The following FGF9 variants were observed in gnomAD, a reference collection of about 807,000 sequenced individuals.
FGF9 encodes the protein fibroblast growth factor 9.
FGF9 carries 3 observed loss-of-function variants against 19.9 expected under a neutral mutation model. The observed-to-expected ratio is 0.15, with a 90% CI of 0.07 to 0.39. FGF9 has a LOEUF of 0.39. Among genes scored for constraint, FGF9 ranks in the 10% least tolerant of loss-of-function variants. The pLI is 1.00. For synonymous variants in FGF9, 107 were observed against 106.9 expected (o/e 1.00, Z -0.01); for missense variants, 175 against 256.8 (o/e 0.68, Z 2.18).
At chr13:21,699,054 C>G (rs1408526204) in intron 2 of FGF9, among the ~76,000 whole-genome samples, 1 of 152,196 alleles carries the variant, frequency 6.6e-6, no homozygotes, top group Admixed American at 6.5e-5. Flanking sequence ...AAACTTCTAT[C>G]CGTTTCAATA....
chr13:21,701,694 G>A lies in FGF9; in HGVS notation c.*259G>A, dbSNP rs535790410. 9 of 489,096 alleles carry A rather than the reference G, an allele frequency of 1.8e-5. No individual in the cohort carries two copies. The highest frequency in any genetic ancestry group is 6.0e-4 in the Middle Eastern group (1 of 1,678). The allele number at this position is 489,096 out of a possible 1,614,324, so 30.3% of individuals were successfully genotyped here. A position where few individuals can be genotyped will look rare whatever the true frequency, so the allele number is the denominator to read the frequency against. ...AAGAGGAGAGAGAGAGAGACTGAGC[G>A]CTAGGAGTGTGTGTATGTGTGTGTG... On this transcript the variant is annotated 3_prime_UTR_variant, in exon 3 of 3. Coordinates refer to ENST00000382353, the MANE Select transcript of FGF9 (RefSeq NM_002010.3).
rs1376289120 is a variant in FGF9 at position 21,701,485 on chromosome 13, G to A, written c.*50G>A. On this transcript the variant is annotated 3_prime_UTR_variant, in exon 3 of 3. Coordinates refer to ENST00000382353, the MANE Select transcript of FGF9 (RefSeq NM_002010.3). ...CCTTAAAAAAGTAACCACTATAAAG[G>A]TTTCACGCGGTGGGTTCTTATTGAT... is the stretch of plus-strand genomic sequence containing the variant. 1.2e-6 allele frequency: 2 copies of A among 1,613,082 alleles called. No individual in the cohort carries two copies. The highest frequency in any genetic ancestry group is 2.2e-5 in the South Asian group (2 of 90,830).
At chr13:21,689,646 T>C (rs1312977643) in intron 2 of FGF9, among the ~76,000 whole-genome samples, 1 of 152,186 alleles carries the variant, frequency 6.6e-6, no homozygotes, top group Non-Finnish European at 1.5e-5. Context: ...GTCTTATGAT[T>C]GAAAGAATGC....
chr13:21,693,135 G>A (rs1872329727), intron 2 of FGF9, among the ~76,000 whole-genome samples: 1 of 152,210 alleles, frequency 6.6e-6, no homozygotes, highest in Non-Finnish European at 1.5e-5. Context: ...TGACCAGATG[G>A]TCAGGTCACC....
chr13:21,683,627 A>G (rs1264328903), intron 2 of FGF9, among the ~76,000 whole-genome samples: 1 of 152,188 alleles, frequency 6.6e-6, no homozygotes, highest in Non-Finnish European at 1.5e-5. Context: ...AAAGGGTAAA[A>G]TGGCTCTTCT....
intron 2 of FGF9, among the ~76,000 whole-genome samples, chr13:21,699,217 C>T (rs1224957349): frequency 6.6e-6 from 1 of 152,188 alleles, no homozygotes; most frequent in Non-Finnish European, 1.5e-5. Context: ...AGCTGCTTCT[C>T]CCGGCCACCC....
chr13:21,678,170 A>T lies in FGF9; in HGVS notation c.278-2872A>T, dbSNP rs78914156. Among the ~76,000 whole-genome samples the T allele has an allele frequency of 9.3e-4, 141 of 152,302 alleles. 1 individual carries two copies. In the East Asian group the frequency reaches 0.023, roughly 25 times the overall value. On this transcript the variant is annotated intron_variant, in intron 1 of 2. Transcript: ENST00000382353. ...TAATAGCTTCTTGAATGAAAAAGTG[A>T]ACGAATATGAATTACAGCTGTCTTG... is the stretch of plus-strand genomic sequence containing the variant.
intron 2 of FGF9, among the ~76,000 whole-genome samples, chr13:21,686,478 C>T (rs1369224143): frequency 6.6e-6 from 1 of 152,176 alleles, no homozygotes; most frequent in Non-Finnish European, 1.5e-5. Context: ...GGTACAGGTA[C>T]TAACATTGTA....
At chr13:21,701,044 G>A (rs879396163) in intron 2 of FGF9, 146 bp from the exon 3 acceptor site, 1 of 614,270 alleles carries the variant, frequency 1.6e-6, no homozygotes, top group Non-Finnish European at 2.9e-6. Context: ...TTAGTTCTGG[G>A]GTACATGTGT....
intron 2 of FGF9, among the ~76,000 whole-genome samples, chr13:21,689,448 CT>C (rs11334264): frequency 0.28 from 41,429 of 148,156 alleles, 6,810 homozygotes; most frequent in East Asian, 0.43. Flanking sequence ...CCCAAATCAT[CT>C]TTTTTTTTTT....
At position 21,671,343 on chromosome 13, in the gene FGF9, G is replaced by T; in HGVS notation, c.-570G>T. On this transcript the variant is annotated 5_prime_UTR_variant, in exon 1 of 3. Coordinates refer to ENST00000382353, the MANE Select transcript of FGF9 (RefSeq NM_002010.3). Reference sequence around the variant, plus strand: ...TATCATTTTTTGGAGGGGGGACCGGGAGGGGAGATTTGTCGCCGCCACCAA... The same window carrying T: ...TATCATTTTTTGGAGGGGGGACCGGTAGGGGAGATTTGTCGCCGCCACCAA... The T allele has an allele frequency of 2.5e-6, 1 of 394,018 alleles. No individual in the cohort carries two copies. 24.4% of individuals were successfully genotyped at this position (394,018 alleles called of 1,614,324 possible).
intron 1 of FGF9, among the ~76,000 whole-genome samples, chr13:21,678,805 A>G (rs1301925226): frequency 6.6e-6 from 1 of 152,220 alleles, no homozygotes; most frequent in African/African-American, 2.4e-5. Flanking sequence ...AAAGGGGCCA[A>G]ATGTTTCCTG....
Position 21,672,286 on chromosome 13 carries a change from T to G in FGF9, c.277+97T>G. The G allele has an allele frequency of 7.8e-7, 1 of 1,281,648 alleles. No homozygotes were observed. The highest frequency in any genetic ancestry group is 1.1e-6 in the Non-Finnish European group (1 of 884,122). 79.4% of individuals were successfully genotyped at this position (1,281,648 alleles called of 1,614,324 possible). On this transcript the variant is annotated intron_variant, in intron 1 of 2. Transcript: ENST00000382353. The surrounding 1 kb of genome is among the most constrained non-coding windows in gnomAD (Gnocchi z 4.2). ...GCCGGGTGGGGGACGTGGGAAGGGT[T>G]CTCCCCTCCTCCCCTCTTTCTCTGT...
At chr13:21,682,746 A>G (rs989676792) in intron 2 of FGF9, among the ~76,000 whole-genome samples, 29 of 145,436 alleles carry the variant, frequency 2.0e-4, no homozygotes, top group African/African-American at 6.8e-4. Context: ...TGAGTGGGTC[A>G]CAGTTGAACT....
rs763543332 is a variant in FGF9, at chr13:21,671,957, T to C, written c.45T>C (p.Asp15=). 3.1e-6 allele frequency: 5 copies of C among 1,614,182 alleles called. No individual in the cohort carries two copies. Among genetic ancestry groups the C allele is most frequent in the Non-Finnish European group, 3.4e-6 (4 of 1,180,022 alleles). The change falls in exon 1 of 3, where the codon GAT becomes GAC. Residue 15 remains aspartate, a synonymous_variant. Coordinates refer to ENST00000382353, the MANE Select transcript of FGF9 (RefSeq NM_002010.3). ...GEVGNYFGVQ[D]AVPFGNVPVL... ...TTGGGAACTATTTCGGTGTGCAGGA[T>C]GCGGTACCGTTTGGGAATGTGCCCG... is the stretch of plus-strand genomic sequence containing the variant.
At chr13:21,674,552 C>G (rs1367905772) in intron 1 of FGF9, among the ~76,000 whole-genome samples, 1 of 151,774 alleles carries the variant, frequency 6.6e-6, no homozygotes, top group African/African-American at 2.4e-5. Flanking sequence ...AGGGGCGCCG[C>G]GGCGGGCCCG....
chr13:21,695,092 G>GT lies in FGF9; in HGVS notation c.382-6097dup, dbSNP rs907582072. Among the ~76,000 whole-genome samples, 4 of 148,416 alleles carry GT rather than the reference G, an allele frequency of 2.7e-5. No individual in the cohort carries two copies. The East Asian group carries it at 7.8e-4, about 29-fold the overall frequency. ...TGCGTGTGTGTGTGTGCGTGTGTGT[G>GT]TGTGTGTGTGTGTGTGTGTGTGTGA... is the stretch of plus-strand genomic sequence containing the variant. On this transcript the variant is annotated intron_variant, in intron 2 of 2. Coordinates refer to ENST00000382353, the MANE Select transcript of FGF9 (RefSeq NM_002010.3).
Position 21,691,612 on chromosome 13 carries a change from G to A in FGF9, c.382-9578G>A, listed in dbSNP as rs955834230. ...CCCTGTCAGCATCAGCAGCCCCTCCGGGGCTGTCGTTCAGCGTCCTGGCCC... is the reference window on the plus strand; with the variant it reads ...CCCTGTCAGCATCAGCAGCCCCTCCAGGGCTGTCGTTCAGCGTCCTGGCCC... On this transcript the variant is annotated intron_variant, in intron 2 of 2. Coordinates refer to ENST00000382353, the MANE Select transcript of FGF9 (RefSeq NM_002010.3). The surrounding 1 kb of genome is among the most constrained non-coding windows in gnomAD (Gnocchi z 4.2). 3.8e-4 allele frequency among the ~76,000 whole-genome samples: 58 copies of A among 152,308 alleles called. No homozygotes were observed. The highest frequency in any genetic ancestry group is 1.3e-3 in the African/African-American group (53 of 41,578).
intron 2 of FGF9, among the ~76,000 whole-genome samples, chr13:21,688,410 G>A (rs950411518): frequency 5.9e-5 from 9 of 152,182 alleles, no homozygotes; most frequent in South Asian, 4.1e-4. Context: ...TCATATGTGC[G>A]TGACCAATTT....
Sources: allele counts gnomAD v4.1 joint callset (sites outside exome capture counted in the v4.1 genomes callset), GRCh38; gene constraint gnomAD v4.1.1; non-coding constraint Gnocchi (gnomAD v3.1); transcripts MANE v1.5; gene names NCBI Gene and HGNC (gene_info 2026-07-23, HGNC 2026-07-21).